Variants in PTPRQ observed in about 807,000 individuals in gnomAD.
PTPRQ encodes the protein phosphatidylinositol phosphatase PTPRQ.
A neutral mutation model predicts 246.0 loss-of-function variants in PTPRQ; 199 were observed. The ratio of observed to expected loss-of-function variants is 0.81; its 90% confidence interval spans 0.72 to 0.91. The LOEUF (loss-of-function observed/expected upper bound fraction) is 0.91. PTPRQ is among the 40% of genes least tolerant of loss of function. The pLI is 0.00. For missense variants in PTPRQ, 2,624 were observed against 2,528.4 expected, an observed-to-expected ratio of 1.04 and a Z score of -0.81; for synonymous variants, 869 against 853.2, an observed-to-expected ratio of 1.02 and a Z score of -0.32.
intron 18 of PTPRQ, 57 bp downstream of exon 18, chr12:80,534,232 C>T (rs1177994151): frequency 7.3e-7 from 1 of 1,378,030 alleles, no homozygotes; most frequent in Non-Finnish European, 9.5e-7. Flanking sequence ...AAAAAAAAAT[C>T]CTGCCCAGAA....
chr12:80,546,912 C>A, intron 24 of PTPRQ: 1 of 458,284 alleles, frequency 2.2e-6, no homozygotes, highest in Non-Finnish European at 3.6e-6. Context: ...TCCTTTTGAA[C>A]AGAGGAAGTT....
chr12:80,637,170 G>A lies in PTPRQ; in HGVS notation c.5915+2097G>A, dbSNP rs186109419. Among the ~76,000 whole-genome samples, 290 of 147,696 alleles carry A rather than the reference G, an allele frequency of 2.0e-3. 1 individual carries two copies. The highest frequency in any genetic ancestry group is 3.4e-3 in the Non-Finnish European group (229 of 67,240). On this transcript the variant is annotated intron_variant, in intron 35 of 44. Coordinates refer to ENST00000644991, the MANE Select transcript of PTPRQ (RefSeq NM_001145026.2). ...GCTACTCCAGCCTGGGTGACAGAGC[G>A]AGACTCCATGTCAAACAAAAAGAGT... is the stretch of plus-strand genomic sequence containing the variant.
At chr12:80,554,389 A>G (rs1241023276) in intron 25 of PTPRQ, among the ~76,000 whole-genome samples, 1 of 152,192 alleles carries the variant, frequency 6.6e-6, no homozygotes, top group Non-Finnish European at 1.5e-5. Flanking sequence ...AAACCAGTTA[A>G]AACAAAGCTA....
intron 3 of PTPRQ, among the ~76,000 whole-genome samples, chr12:80,446,456 T>A (rs1892556288): frequency 6.6e-6 from 1 of 151,880 alleles, no homozygotes; most frequent in Non-Finnish European, 1.5e-5. Context: ...TATTTTTGAT[T>A]CAGGGGACAT....
At chr12:80,519,678 G>A (rs138367158) in intron 17 of PTPRQ, among the ~76,000 whole-genome samples, 7 of 152,134 alleles carry the variant, frequency 4.6e-5, no homozygotes, top group Admixed American at 3.3e-4. Flanking sequence ...TGTAACAAAC[G>A]ATCCATGTTC....
chr12:80,565,723 C>T (rs1163553749), intron 25 of PTPRQ, among the ~76,000 whole-genome samples: 1 of 152,052 alleles, frequency 6.6e-6, no homozygotes, highest in Non-Finnish European at 1.5e-5. Context: ...TTCAATGTTG[C>T]ATTTAAGAAA....
chr12:80,533,942 A>T, intron 17 of PTPRQ, 73 bp from the exon 18 acceptor site: 1 of 1,123,664 alleles, frequency 8.9e-7, no homozygotes, highest in Non-Finnish European at 1.2e-6. Flanking sequence ...GTTTACTTTT[A>T]ATGTTAGTGT....
chr12:80,655,018 A>G lies in PTPRQ; in HGVS notation c.6115+2184A>G, dbSNP rs117082517. 9.8e-3 allele frequency among the ~76,000 whole-genome samples: 1,487 copies of G among 152,298 alleles called. 11 individuals carry two copies. Among genetic ancestry groups the G allele is most frequent in the Non-Finnish European group, 0.018 (1,198 of 68,014 alleles). ...CTGTGTGACTTTTCAATCATTTATT[A>G]AGATTTCAGTGCATTATTATCTGGG... is the stretch of plus-strand genomic sequence containing the variant. On this transcript the variant is annotated intron_variant, in intron 38 of 44. Transcript: ENST00000644991.
chr12:80,463,549 C>A (rs1307099820), intron 6 of PTPRQ, among the ~76,000 whole-genome samples: 1 of 151,940 alleles, frequency 6.6e-6, no homozygotes, highest in Admixed American at 6.6e-5. Context: ...AAGAGCAACT[C>A]TAAGACACAT....
chr12:80,598,115 C>G (rs1480519040), intron 26 of PTPRQ, among the ~76,000 whole-genome samples: 4 of 151,920 alleles, frequency 2.6e-5, no homozygotes. Context: ...AGGTCTAATA[C>G]TATGAACATC....
intron 35 of PTPRQ, 109 bp downstream of exon 35, chr12:80,635,182 A>G: frequency 7.0e-7 from 1 of 1,430,024 alleles, no homozygotes. Context: ...TACACAGGTC[A>G]CAGAGATCTT....
intron 14 of PTPRQ, 49 bp downstream of exon 14, chr12:80,496,580 A>G: frequency 6.7e-7 from 1 of 1,499,068 alleles, no homozygotes; most frequent in Non-Finnish European, 8.9e-7. Context: ...GTGATATAGT[A>G]AGCAAAGCTG....
chr12:80,616,164 C>A, intron 29 of PTPRQ, 36 bp from the exon 30 acceptor site: 4 of 1,425,454 alleles, frequency 2.8e-6, no homozygotes, highest in Non-Finnish European at 3.7e-6. Flanking sequence ...CATAAGCAAT[C>A]ACTTGAAAAT....
At chr12:80,480,895 CA>C (rs1485747798) in intron 8 of PTPRQ, among the ~76,000 whole-genome samples, 1 of 152,086 alleles carries the variant, frequency 6.6e-6, no homozygotes, top group African/African-American at 2.4e-5. Flanking sequence ...GCTTACCAAC[CA>C]AAAAGAGTCC....
Position 80,496,452 on chromosome 12 carries a change from C to G in PTPRQ, c.2193C>G (p.Asn731Lys). 1 of 1,550,746 alleles carries G rather than the reference C, an allele frequency of 6.4e-7. No homozygotes were observed. Among genetic ancestry groups the G allele is most frequent in the Non-Finnish European group, 8.7e-7 (1 of 1,146,440 alleles). ...LRNLRPHTLY[N>K]ISVRSYTRFG... The stretch of plus-strand genomic sequence containing the variant: ...ACTTAAGACCTCACACCCTCTATAA[C>G]ATTTCTGTAAGGTCTTACACCAGAT... Residue 731 changes from asparagine to lysine, a missense_variant, in exon 14 of 45, where the codon AAC becomes AAG. Transcript: ENST00000644991.
At chr12:80,600,757 C>A (rs1898115814) in intron 26 of PTPRQ, among the ~76,000 whole-genome samples, 1 of 151,732 alleles carries the variant, frequency 6.6e-6, no homozygotes, top group African/African-American at 2.4e-5. Context: ...GAGTTAGATA[C>A]CAAGGATCAC....
At chr12:80,555,160 C>T (rs1331386125) in intron 25 of PTPRQ, among the ~76,000 whole-genome samples, 1 of 152,174 alleles carries the variant, frequency 6.6e-6, no homozygotes, top group Non-Finnish European at 1.5e-5. Context: ...ATGTGATCTA[C>T]CTGCCTCGGC....
Position 80,528,510 on chromosome 12 carries a change from C to T in PTPRQ, c.2679-5505C>T, listed in dbSNP as rs574936295. 4.6e-5 allele frequency among the ~76,000 whole-genome samples: 7 copies of T among 152,166 alleles called. No homozygotes were observed. In the East Asian group the frequency reaches 1.4e-3, roughly 29 times the overall value. On this transcript the variant is annotated intron_variant, in intron 17 of 44. Coordinates refer to ENST00000644991, the MANE Select transcript of PTPRQ (RefSeq NM_001145026.2). ...TTCTAATCTCACTAATCTTTGAGCA[C>T]CCCTGGGAAGTCATTTTTCATGTTT... is the stretch of plus-strand genomic sequence containing the variant.
chr12:80,632,200 C>T lies in PTPRQ; in HGVS notation c.5695C>T (p.Leu1899Phe), dbSNP rs1216291433. 1.3e-6 allele frequency: 2 copies of T among 1,550,996 alleles called. No individual in the cohort carries two copies. The highest frequency in any genetic ancestry group is 2.4e-5 in the South Asian group (2 of 83,874). The change falls in exon 34 of 45, where the codon CTT becomes TTT. Residue 1899 changes from leucine to phenylalanine, a missense_variant. By Grantham distance (22) the Leu-to-Phe change is conservative (BLOSUM62 0). Coordinates refer to ENST00000644991, the MANE Select transcript of PTPRQ (RefSeq NM_001145026.2). ...SDPVKTLGEG[L>F]SERTVEIILS... ...TTATCCCTCTTCTCCAGGGGAAGGA[C>T]TTTCAGAAAGAACCGTAGAGATCAT...
Sources: gnomAD v4.1 joint callset for allele counts (sites outside exome capture counted in the v4.1 genomes callset) on GRCh38, gnomAD v4.1.1 for gene constraint, MANE v1.5 for transcripts, NCBI Gene and HGNC (gene_info 2026-07-23, HGNC 2026-07-21) for gene names.